NBEA: variants seen among roughly 807,000 people sequenced by gnomAD.
NBEA encodes the protein lysosomal-trafficking regulator 2.
Under a neutral mutation model 343.4 loss-of-function variants are expected in NBEA, and 44 were observed. The observed-to-expected ratio is 0.13, with a 90% CI of 0.10 to 0.16. The LOEUF (loss-of-function observed/expected upper bound fraction) is 0.16. Ranked by LOEUF, NBEA falls within the 10% of genes least tolerant of loss-of-function variation. The pLI is 1.00. For missense variants in NBEA, 2,555 were observed against 3,631.3 expected, an observed-to-expected ratio of 0.70 and a Z score of 7.62; for synonymous variants, 1,175 against 1,238.7, an observed-to-expected ratio of 0.95 and a Z score of 1.08.
chr13:35,519,632 AT>A (rs60419533), intron 41 of NBEA, among the ~76,000 whole-genome samples: 12 of 151,920 alleles, frequency 7.9e-5, no homozygotes, highest in African/African-American at 2.2e-4. Flanking sequence ...TAATTCATTT[AT>A]TTTTTTTAAA....
intron 34 of NBEA, among the ~76,000 whole-genome samples, chr13:35,283,987 G>GACACACACAC (rs34465386): frequency 8.5e-5 from 12 of 140,966 alleles, no homozygotes; most frequent in Non-Finnish European, 1.3e-4. Flanking sequence ...TGTGTACACA[G>GACACACACAC]ACACACACAC....
chr13:35,135,132 T>C lies in NBEA; in HGVS notation c.2337-7137T>C, dbSNP rs115361371. 2.6e-3 allele frequency among the ~76,000 whole-genome samples: 391 copies of C among 152,168 alleles called. 1 individual carries two copies. The highest frequency in any genetic ancestry group is 9.0e-3 in the African/African-American group (376 of 41,556). On this transcript the variant is annotated intron_variant, in intron 17 of 58. Transcript: ENST00000379939. ...AACATGCCCTGTTTTGCTTCACTAG[T>C]AATCACCAACAAACCTATCGTATGC...
chr13:35,237,236 C>T (rs564306520), intron 34 of NBEA, among the ~76,000 whole-genome samples: 10 of 152,104 alleles, frequency 6.6e-5, no homozygotes, highest in African/African-American at 7.2e-5. Context: ...GCCTGGGCAC[C>T]GGAGACCCTG....
rs1594744968 is a variant in NBEA at position 35,470,778 on chromosome 13, G to A, written c.6449-1622G>A. ...GGAGGCAGGAGGCGCCGCCAAGCGC[G>A]CGCACAGACCCTCCAATAAACACAA... On this transcript the variant is annotated intron_variant, in intron 40 of 58. Transcript: ENST00000379939. Among the ~76,000 whole-genome samples the A allele has an allele frequency of 5.3e-5, 8 of 152,322 alleles. No individual in the cohort carries two copies. The South Asian group carries it at 1.4e-3, about 28-fold the overall frequency.
chr13:35,509,446 G>T (rs970478902), intron 41 of NBEA, among the ~76,000 whole-genome samples: 4 of 152,136 alleles, frequency 2.6e-5, no homozygotes, highest in African/African-American at 4.8e-5. Context: ...GGGAATGGGG[G>T]CAGGAGAGTC....
At chr13:35,459,051 G>A in intron 40 of NBEA, among the ~76,000 whole-genome samples, 1 of 123,176 alleles carries the variant, frequency 8.1e-6, no homozygotes. Context: ...ACCAAGTTAA[G>A]AATCCAAAAT....
chr13:35,216,485 G>A (rs997355541), intron 33 of NBEA, among the ~76,000 whole-genome samples: 2 of 151,940 alleles, frequency 1.3e-5, no homozygotes, highest in Middle Eastern at 3.4e-3. Flanking sequence ...CCCTCTCTTG[G>A]ATCTTTGATT....
At chr13:35,020,198 G>A (rs1376932421) in intron 1 of NBEA, among the ~76,000 whole-genome samples, 4 of 151,786 alleles carry the variant, frequency 2.6e-5, no homozygotes, top group East Asian at 3.9e-4. Context: ...ATTTTGATAT[G>A]TTACATTTTT....
At chr13:34,988,473 T>G (rs982794346) in intron 1 of NBEA, among the ~76,000 whole-genome samples, 1 of 151,122 alleles carries the variant, frequency 6.6e-6, no homozygotes, top group African/African-American at 2.4e-5. Context: ...TTCCGGCTGC[T>G]TTGTTTACCT....
chr13:35,351,511 T>C (rs373890337), intron 37 of NBEA, among the ~76,000 whole-genome samples: 32 of 152,072 alleles, frequency 2.1e-4, no homozygotes, highest in African/African-American at 7.7e-4. Context: ...CTGATAATTA[T>C]GGGAAAAGGA....
At chr13:35,304,742 A>C (rs973740247) in intron 35 of NBEA, among the ~76,000 whole-genome samples, 1 of 152,036 alleles carries the variant, frequency 6.6e-6, no homozygotes, top group Non-Finnish European at 1.5e-5. Context: ...TCACTGTTCT[A>C]AAAAAATTGT....
chr13:35,299,293 C>T (rs770870414), intron 35 of NBEA, among the ~76,000 whole-genome samples: 1 of 152,006 alleles, frequency 6.6e-6, no homozygotes, highest in East Asian at 1.9e-4. Flanking sequence ...TGGATTGAAT[C>T]TCTAAGGACG....
chr13:35,612,569 C>G (rs1336855486), intron 48 of NBEA, among the ~76,000 whole-genome samples: 1 of 152,106 alleles, frequency 6.6e-6, no homozygotes, highest in African/African-American at 2.4e-5. Flanking sequence ...TTGTGTTCTT[C>G]ATAGTCAAAG....
At chr13:35,482,332 A>G (rs2076151950) in intron 41 of NBEA, among the ~76,000 whole-genome samples, 1 of 151,566 alleles carries the variant, frequency 6.6e-6, no homozygotes, top group Admixed American at 6.6e-5. Context: ...TTTACATATA[A>G]GTATAGAGAT....
chr13:35,296,749 T>C (rs1021396019), intron 35 of NBEA, among the ~76,000 whole-genome samples: 1 of 152,092 alleles, frequency 6.6e-6, no homozygotes, highest in Admixed American at 6.6e-5. Context: ...AAACTATATA[T>C]ATATATATTT....
At chr13:35,240,629 G>A (rs1046275611) in intron 34 of NBEA, among the ~76,000 whole-genome samples, 2 of 151,640 alleles carry the variant, frequency 1.3e-5, no homozygotes, top group Non-Finnish European at 3.0e-5. Context: ...AAGAGATATA[G>A]GAAGAACCTG....
chr13:35,605,888 T>TGATTGATA (rs2082261964), intron 47 of NBEA, among the ~76,000 whole-genome samples: 1 of 152,080 alleles, frequency 6.6e-6, no homozygotes, highest in Non-Finnish European at 1.5e-5. Flanking sequence ...TTGTGTTCAG[T>TGATTGATA]GATTGATATA....
chr13:35,408,311 C>A (rs1409599039), intron 38 of NBEA, among the ~76,000 whole-genome samples: 1 of 152,100 alleles, frequency 6.6e-6, no homozygotes, highest in Non-Finnish European at 1.5e-5. Flanking sequence ...TAGCCATATG[C>A]AGAAGATTGA....
At chr13:35,094,815 A>G (rs970291940) in intron 10 of NBEA, among the ~76,000 whole-genome samples, 2 of 151,996 alleles carry the variant, frequency 1.3e-5, no homozygotes, top group Non-Finnish European at 2.9e-5. Flanking sequence ...GAAACCTTTT[A>G]AAAATGTCAA....
Sources: gnomAD v4.1 joint callset for allele counts (sites outside exome capture counted in the v4.1 genomes callset) on GRCh38, gnomAD v4.1.1 for gene constraint, MANE v1.5 for transcripts, NCBI Gene and HGNC (gene_info 2026-07-23, HGNC 2026-07-21) for gene names.